The following MIA2 variants were observed in gnomAD, a reference collection of about 807,000 sequenced individuals.
MIA2 encodes MIA SH3 domain ER export factor 2, also known as melanoma inhibitory activity protein 2.
A neutral mutation model predicts 167.8 loss-of-function variants in MIA2; 127 were observed. The observed-to-expected ratio is 0.76, with a 90% CI of 0.66 to 0.88. The LOEUF is 0.88. Ranked by LOEUF, MIA2 falls within the 40% of genes least tolerant of loss-of-function variation. MIA2 has a pLI of 0.00. For missense variants in MIA2, 1,690 were observed against 1,624.7 expected, an observed-to-expected ratio of 1.04 and a Z score of -0.69; for synonymous variants, 552 against 541.9, an observed-to-expected ratio of 1.02 and a Z score of -0.26.
intron 9 of MIA2, among the ~76,000 whole-genome samples, chr14:39,280,354 G>T (rs1217067859): frequency 1.3e-5 from 2 of 151,208 alleles, no homozygotes; most frequent in Non-Finnish European, 2.9e-5. Flanking sequence ...TTTTTTTGTG[G>T]GCATGTATTT....
At chr14:39,319,185 G>T in intron 22 of MIA2, 24 bp from the exon 23 acceptor site, 2 of 1,368,432 alleles carry the variant, frequency 1.5e-6, no homozygotes, top group South Asian at 3.0e-5. Flanking sequence ...GAGTAACTTA[G>T]AGATGTTTGT....
At chr14:39,339,302 T>C (rs781493466) in intron 25 of MIA2, among the ~76,000 whole-genome samples, 11 of 152,178 alleles carry the variant, frequency 7.2e-5, no homozygotes, top group Non-Finnish European at 1.5e-4. Context: ...CTGCTGTAGA[T>C]GACTACATAC....
At chr14:39,363,534 A>AC (rs1470099104) in intron 23 of MIA2, among the ~76,000 whole-genome samples, 1 of 152,142 alleles carries the variant, frequency 6.6e-6, no homozygotes, top group African/African-American at 2.4e-5. Flanking sequence ...GTCTCAAATA[A>AC]AAAAAATCTG....
intron 6 of MIA2, chr14:39,267,208 C>A: frequency 1.5e-6 from 2 of 1,323,404 alleles, no homozygotes; most frequent in Non-Finnish European, 1.9e-6. Flanking sequence ...CAGGCTTGTG[C>A]GGGTCGGGCT....
intron 23 of MIA2, chr14:39,386,815 T>C: frequency 1.0e-6 from 1 of 989,510 alleles, no homozygotes; most frequent in East Asian, 2.4e-5. Flanking sequence ...CCATTACTGA[T>C]GACCATAGAA....
At chr14:39,331,709 C>A (rs1286298315) in intron 25 of MIA2, among the ~76,000 whole-genome samples, 2 of 152,072 alleles carry the variant, frequency 1.3e-5, no homozygotes, top group Admixed American at 1.3e-4. Context: ...TTTTCCTTTA[C>A]TTATAAAGCT....
At chr14:39,287,709 T>A (rs904185526) in intron 9 of MIA2, among the ~76,000 whole-genome samples, 1 of 152,056 alleles carries the variant, frequency 6.6e-6, no homozygotes, top group African/African-American at 2.4e-5. Context: ...ACTACAGTCA[T>A]GCGCCACCAT....
intron 2 of MIA2, chr14:39,237,270 G>A: frequency 1.8e-6 from 1 of 569,010 alleles, no homozygotes; most frequent in South Asian, 1.8e-5. Context: ...TGGGACTACA[G>A]GTGTGTGTCA....
intron 18 of MIA2, among the ~76,000 whole-genome samples, chr14:39,309,957 TTTATCATAA>T (rs1215113865): frequency 6.6e-6 from 1 of 151,418 alleles, no homozygotes; most frequent in Non-Finnish European, 1.5e-5. Context: ...TTTTTTTTTT[TTTATCATAA>T]AGGGTAATAA....
At chr14:39,253,729 A>G (rs2054687537) in intron 6 of MIA2, 1 of 152,220 alleles carries the variant, frequency 6.6e-6, no homozygotes, top group Non-Finnish European at 1.5e-5. Flanking sequence ...TCAAAATGGT[A>G]TAATGTTGGA....
chr14:39,279,199 A>C (rs2058580188), intron 7 of MIA2, 138 bp from the exon 8 acceptor site: 1 of 648,834 alleles, frequency 1.5e-6, no homozygotes, highest in African/African-American at 1.9e-5. Context: ...TCTCATTGGA[A>C]ACAGAATACT....
At chr14:39,303,912 C>CT (rs1212065094) in intron 16 of MIA2, among the ~76,000 whole-genome samples, 1 of 151,812 alleles carries the variant, frequency 6.6e-6, no homozygotes, top group Non-Finnish European at 1.5e-5. Context: ...TATTCCTTCT[C>CT]TTTTCCACCC....
At chr14:39,279,809 G>A (rs1054626872) in intron 9 of MIA2, among the ~76,000 whole-genome samples, 1 of 152,112 alleles carries the variant, frequency 6.6e-6, no homozygotes, top group Non-Finnish European at 1.5e-5. Context: ...CACATTTCTG[G>A]TATCTGTTCG....
chr14:39,362,407 A>T (rs1342167544), intron 23 of MIA2, among the ~76,000 whole-genome samples: 2 of 152,108 alleles, frequency 1.3e-5, no homozygotes, highest in Non-Finnish European at 2.9e-5. Flanking sequence ...TTTCTCATTC[A>T]ACCTTGGTAG....
intron 6 of MIA2, chr14:39,266,164 TA>T: frequency 3.0e-6 from 3 of 985,450 alleles, no homozygotes; most frequent in Non-Finnish European, 3.6e-6. Flanking sequence ...GTGATTTGTT[TA>T]GGAGGAAGTA....
rs1418141613 is a variant in MIA2, at chr14:39,373,801, A to AT, written c.2249-13083dup. On this transcript the variant is annotated intron_variant, in intron 23 of 23. Transcript: ENST00000341502. ...ATGCCATTGCACTCCAGCCTGCATG[A>AT]TAGAGCAAGAGTTGGTCTAAAAATA... Among the ~76,000 whole-genome samples the AT allele has an allele frequency of 6.6e-5, 10 of 152,314 alleles. 1 individual carries two copies. In the Middle Eastern group the frequency reaches 0.014, roughly 207 times the overall value.
chr14:39,348,770 C>T lies in MIA2; in HGVS notation c.3865C>T (p.Pro1289Ser). ...GNLNVPDSSL[P>S]AENEATGPGF... is the part of the protein sequence containing the mutation. The stretch of plus-strand genomic sequence containing the variant: ...TTTAAATGTGCCTGATTCATCTCTC[C>T]CTGCTGAAAATGAAGCCACTGGCCC... The change falls in exon 28 of 29, where the codon CCT (proline) becomes TCT (serine). Residue 1289 changes from proline (P) to serine (S), a missense_variant. Physicochemically the swap from Pro to Ser is moderately conservative, Grantham distance 74. Transcript: ENST00000640607. 2 of 1,613,870 alleles carry T rather than the reference C, an allele frequency of 1.2e-6. No homozygotes were observed. Among genetic ancestry groups the T allele is most frequent in the Non-Finnish European group, 1.7e-6 (2 of 1,179,840 alleles).
intron 23 of MIA2, among the ~76,000 whole-genome samples, chr14:39,365,121 A>G (rs10132190): frequency 0.087 from 13,211 of 151,646 alleles, 644 homozygotes; most frequent in South Asian, 0.18. Context: ...ACTGGAGTGC[A>G]GTGGCATGAT....
rs71130839 is a variant in MIA2, at chr14:39,298,542, T to TTTTTTTTTTTG, written c.2497-1312_2497-1311insGTTTTTTTTTT. 1.3e-3 allele frequency among the ~76,000 whole-genome samples: 124 copies of TTTTTTTTTTTG among 96,936 alleles called. 9 individuals carry two copies. The highest frequency in any genetic ancestry group is 5.7e-3 in the Middle Eastern group (1 of 176). 63.6% of individuals were successfully genotyped at this position (96,936 alleles called of 152,430 possible). ...TTGGTAGAACAGAGTTTTTTTTTTT[T>TTTTTTTTTTTG]TTTTTTTTTTTTGTGAGCAACATGG... On this transcript the variant is annotated intron_variant, in intron 13 of 28. Coordinates refer to ENST00000640607, the MANE Select transcript of MIA2 (RefSeq NM_001329214.4).
Sources: allele counts gnomAD v4.1 joint callset (sites outside exome capture counted in the v4.1 genomes callset), GRCh38; gene constraint gnomAD v4.1.1; transcripts MANE v1.5; gene names NCBI Gene and HGNC (gene_info 2026-07-23, HGNC 2026-07-21).